The following TSPAN18 variants were observed in gnomAD, a reference collection of about 807,000 sequenced individuals.
TSPAN18 encodes the protein tetraspanin 18, also known as tetraspanin-18.
Under a neutral mutation model 27.3 loss-of-function variants are expected in TSPAN18, and 14 were observed. The observed-to-expected ratio is 0.51, with a 90% confidence interval of 0.34 to 0.80. The LOEUF (loss-of-function observed/expected upper bound fraction) is 0.80, where lower values mean the gene tolerates loss of function less well. Among genes scored for constraint, TSPAN18 ranks in the 30% least tolerant of loss-of-function variants. The pLI, the probability that TSPAN18 is intolerant of heterozygous loss-of-function variation, is 0.01. For synonymous variants in TSPAN18, 143 were observed against 136.5 expected, an observed-to-expected ratio of 1.05 and a Z score of -0.33; for missense variants, 268 against 323.9, an observed-to-expected ratio of 0.83 and a Z score of 1.32.
intron 2 of TSPAN18, among the ~76,000 whole-genome samples, chr11:44,816,081 G>A (rs1182925444): frequency 6.8e-6 from 1 of 146,072 alleles, no homozygotes; most frequent in Non-Finnish European, 1.5e-5. Context: ...CCCACTCTGG[G>A]CCTTAGTTTC....
intron 2 of TSPAN18, among the ~76,000 whole-genome samples, chr11:44,852,662 T>C (rs1312227948): frequency 1.3e-5 from 2 of 152,250 alleles, no homozygotes; most frequent in Non-Finnish European, 2.9e-5. Flanking sequence ...TCTATTGTCC[T>C]GTCCCTGATT....
chr11:44,921,637 A>G (rs1245963036), intron 8 of TSPAN18, among the ~76,000 whole-genome samples: 1 of 152,110 alleles, frequency 6.6e-6, no homozygotes, highest in East Asian at 1.9e-4. Context: ...ATCCAGAGAG[A>G]AGGAGCCTGG....
At position 44,913,487 on chromosome 11, in the gene TSPAN18, G is replaced by C. The variant is rs1195460596; in HGVS notation, c.258+3588G>C. Among the ~76,000 whole-genome samples the C allele has an allele frequency of 3.3e-5, 5 of 152,020 alleles. No homozygotes were observed. The South Asian group carries it at 6.2e-4, about 19-fold the overall frequency. Reference sequence around the variant, plus strand: ...ATTTGCTTACCTTTGAGTATTTCAAGGATTTTTTTAAGCCAACTTATTTAA... The same window carrying C: ...ATTTGCTTACCTTTGAGTATTTCAACGATTTTTTTAAGCCAACTTATTTAA... On this transcript the variant is annotated intron_variant, in intron 5 of 9. Transcript: ENST00000520358.
intron 2 of TSPAN18, among the ~76,000 whole-genome samples, chr11:44,856,209 G>A (rs1039408400): frequency 6.6e-6 from 1 of 152,122 alleles, no homozygotes. Context: ...TCTCCTGGAA[G>A]CACATTTCTG....
At chr11:44,764,120 A>C (rs887200231) in intron 1 of TSPAN18, among the ~76,000 whole-genome samples, 1 of 152,160 alleles carries the variant, frequency 6.6e-6, no homozygotes. Context: ...TATCATGAGA[A>C]CAGCACTGAG....
chr11:44,907,523 C>T (rs1005017556), intron 4 of TSPAN18, among the ~76,000 whole-genome samples: 3 of 152,168 alleles, frequency 2.0e-5, no homozygotes, highest in African/African-American at 4.8e-5. Flanking sequence ...AGCTTCTCTT[C>T]CCTGCCTTAT....
chr11:44,896,391 T>G lies in TSPAN18; in HGVS notation c.-10-10016T>G, dbSNP rs529838631. ...ATTGGACTCAGTTTCCCCATTGTAC[T>G]GTGGGGATGATGGTGTGATACCTAC... is the stretch of plus-strand genomic sequence containing the variant. On this transcript the variant is annotated intron_variant, in intron 3 of 9. Coordinates refer to ENST00000520358, the MANE Select transcript of TSPAN18 (RefSeq NM_130783.5). Among the ~76,000 whole-genome samples the G allele has an allele frequency of 2.0e-5, 3 of 152,278 alleles. No homozygotes were observed. The South Asian group carries it at 6.2e-4, about 32-fold the overall frequency.
intron 2 of TSPAN18, among the ~76,000 whole-genome samples, chr11:44,797,845 A>AGAG (rs1856385207): frequency 6.6e-6 from 1 of 152,014 alleles, no homozygotes; most frequent in Non-Finnish European, 1.5e-5. Context: ...AGTGGGTGAC[A>AGAG]TAGAGCACTA....
intron 2 of TSPAN18, among the ~76,000 whole-genome samples, chr11:44,858,281 C>T (rs573083577): frequency 6.6e-6 from 1 of 152,310 alleles, no homozygotes; most frequent in Admixed American, 6.5e-5. Flanking sequence ...GTCCACAGCA[C>T]CCTGCTACCA....
At chr11:44,819,767 T>C (rs1478714114) in intron 2 of TSPAN18, among the ~76,000 whole-genome samples, 1 of 151,636 alleles carries the variant, frequency 6.6e-6, no homozygotes, top group Non-Finnish European at 1.5e-5. Flanking sequence ...ATGCCAGTGC[T>C]CTGTCAAATC....
At chr11:44,868,014 G>A (rs547609041) in intron 3 of TSPAN18, among the ~76,000 whole-genome samples, 1 of 152,312 alleles carries the variant, frequency 6.6e-6, no homozygotes, top group Admixed American at 6.5e-5. Context: ...GGTTGAGGGT[G>A]AACAGACTCA....
chr11:44,833,484 C>T (rs1248791048), intron 2 of TSPAN18, among the ~76,000 whole-genome samples: 1 of 152,168 alleles, frequency 6.6e-6, no homozygotes, highest in South Asian at 2.1e-4. Flanking sequence ...CTTCATTCCT[C>T]CTTCCTGTTA....
chr11:44,917,985 T>A lies in TSPAN18; in HGVS notation c.272T>A (p.Ile91Asn), dbSNP rs779934951. 2 of 1,614,146 alleles carry A rather than the reference T, an allele frequency of 1.2e-6. No homozygotes were observed. Among genetic ancestry groups the A allele is most frequent in the South Asian group, 1.1e-5 (1 of 91,082 alleles). The change falls in exon 6 of 10, where the codon ATC becomes AAC. Residue 91 changes from isoleucine to asparagine, a missense_variant. Coordinates refer to ENST00000520358, the MANE Select transcript of TSPAN18 (RefSeq NM_130783.5). ...KCLLLFFFLF[I>N]LIIFLAELSA... ...CTCTCCCTGCAGTTCTTCCTGTTCA[T>A]CCTGATCATCTTCCTGGCAGAGCTC...
chr11:44,854,162 T>C (rs1426741292), intron 2 of TSPAN18, among the ~76,000 whole-genome samples: 1 of 115,774 alleles, frequency 8.6e-6, no homozygotes, highest in African/African-American at 3.3e-5. Context: ...CTGTGCCACA[T>C]GCAGAGCTCC....
At chr11:44,911,425 A>G (rs1859708755) in intron 5 of TSPAN18, among the ~76,000 whole-genome samples, 1 of 152,146 alleles carries the variant, frequency 6.6e-6, no homozygotes, top group Non-Finnish European at 1.5e-5. Flanking sequence ...ATGAGTGACA[A>G]GGAGCCTTGG....
chr11:44,789,308 A>G lies in TSPAN18; in HGVS notation c.-153+24796A>G, dbSNP rs1255666241. Among the ~76,000 whole-genome samples the G allele has an allele frequency of 2.0e-5, 3 of 152,254 alleles. No homozygotes were observed. In the East Asian group the frequency reaches 5.8e-4, roughly 29 times the overall value. ...CGTCAAATCTTGTAGGGATCTTCCC[A>G]TCTTTAGCCAAAACTGAGATTAAAT... On this transcript the variant is annotated intron_variant, in intron 2 of 9. Coordinates refer to ENST00000520358, the MANE Select transcript of TSPAN18 (RefSeq NM_130783.5).
rs574004859 is a variant in TSPAN18 at position 44,826,206 on chromosome 11, T to C, written c.-152-34122T>C. Among the ~76,000 whole-genome samples the C allele has an allele frequency of 1.3e-3, 202 of 152,202 alleles. 1 individual carries two copies. Among genetic ancestry groups the C allele is most frequent in the Non-Finnish European group, 2.3e-3 (158 of 68,048 alleles). ...GGGAGGCTGAGGTGGGCGGATCACC[T>C]GAGATTAGGAGTTCAAGACCAGCCT... On this transcript the variant is annotated intron_variant, in intron 2 of 9. Transcript: ENST00000520358.
intron 2 of TSPAN18, among the ~76,000 whole-genome samples, chr11:44,801,372 A>G (rs528841960): frequency 2.0e-4 from 30 of 152,160 alleles, no homozygotes; most frequent in African/African-American, 7.0e-4. Context: ...TTCTTTTCTT[A>G]TCTGTCCCTG....
intron 3 of TSPAN18, among the ~76,000 whole-genome samples, chr11:44,901,811 C>G (rs1168940071): frequency 1.3e-5 from 2 of 152,178 alleles, no homozygotes; most frequent in African/African-American, 4.8e-5. Flanking sequence ...TCTGTGCATA[C>G]AAGCTGTGTG....
Sources: allele counts gnomAD v4.1 joint callset (sites outside exome capture counted in the v4.1 genomes callset), GRCh38; gene constraint gnomAD v4.1.1; transcripts MANE v1.5; gene names NCBI Gene and HGNC (gene_info 2026-07-23, HGNC 2026-07-21).